TTC3: variants seen among roughly 807,000 people sequenced by gnomAD.
The protein encoded by TTC3 is tetratricopeptide repeat domain 3.
Under a neutral mutation model 249.6 loss-of-function variants are expected in TTC3, and 180 were observed. The observed-to-expected ratio is 0.72, with a 90% CI of 0.64 to 0.82. The LOEUF is 0.82. Among genes scored for constraint, TTC3 ranks in the 40% least tolerant of loss-of-function variants. The probability of loss-of-function intolerance (pLI) is 0.00; values close to 1 mark genes in which losing one functional copy is unlikely to be tolerated. For synonymous variants in TTC3, 717 were observed against 805.0 expected (o/e 0.89, Z 1.85); for missense variants, 2,061 against 2,398.4 (o/e 0.86, Z 2.94).
At chr21:37,176,879 G>A (rs1424266787) in intron 35 of TTC3, among the ~76,000 whole-genome samples, 1 of 152,138 alleles carries the variant, frequency 6.6e-6, no homozygotes, top group Non-Finnish European at 1.5e-5. Context: ...CAGCTCCACG[G>A]CCTAGTTCAA....
chr21:37,078,077 C>T (rs1246529406), intron 1 of TTC3, among the ~76,000 whole-genome samples: 3 of 151,754 alleles, frequency 2.0e-5, no homozygotes, highest in South Asian at 2.1e-4. Flanking sequence ...TTCTAATTAT[C>T]CCTGTACCAT....
At chr21:37,175,366 G>A (rs2082169653) in intron 35 of TTC3, among the ~76,000 whole-genome samples, 1 of 151,734 alleles carries the variant, frequency 6.6e-6, no homozygotes, top group African/African-American at 2.4e-5. Context: ...GGAGGCCAAG[G>A]TGGGTATATC....
At chr21:37,112,787 C>G (rs1223020997) in intron 11 of TTC3, among the ~76,000 whole-genome samples, 1 of 152,146 alleles carries the variant, frequency 6.6e-6, no homozygotes, top group African/African-American at 2.4e-5. Flanking sequence ...ATGCAAAAAT[C>G]CTCAGTAAAA....
chr21:37,107,264 T>G (rs926648006), intron 10 of TTC3, among the ~76,000 whole-genome samples: 1 of 152,194 alleles, frequency 6.6e-6, no homozygotes, highest in Non-Finnish European at 1.5e-5. Flanking sequence ...GTGAGTTGGG[T>G]ACCCTGAGGA....
exon 36 of TTC3, chr21:37,182,777 T>C (rs1321942329): frequency 6.3e-7 from 1 of 1,582,742 alleles, no homozygotes; most frequent in Non-Finnish European, 8.5e-7. Context: ...TTTTTAGATC[T>C]CAAAGACGGA....
At chr21:37,081,631 C>A (rs2071674540) in intron 1 of TTC3, 1 of 152,104 alleles carries the variant, frequency 6.6e-6, no homozygotes, top group Admixed American at 6.5e-5. Context: ...TTAGTCTCTT[C>A]TCTCCTGCTG....
intron 10 of TTC3, among the ~76,000 whole-genome samples, chr21:37,101,534 C>CA (rs2074503526): frequency 6.9e-6 from 1 of 144,356 alleles, no homozygotes; most frequent in Non-Finnish European, 1.5e-5. Context: ...GTAACAAATG[C>CA]ACATGGTAAG....
intron 11 of TTC3, among the ~76,000 whole-genome samples, chr21:37,111,613 C>A (rs1445139075): frequency 6.6e-6 from 1 of 152,152 alleles, no homozygotes; most frequent in African/African-American, 2.4e-5. Flanking sequence ...GACTTTAACA[C>A]CCCACTGTCA....
chr21:37,153,325 A>G, intron 27 of TTC3, 48 bp downstream of exon 27: 2 of 1,494,756 alleles, frequency 1.3e-6, no homozygotes, highest in Non-Finnish European at 1.8e-6. Context: ...ACGAAGGGGA[A>G]GTGTAGGTCT....
intron 8 of TTC3, among the ~76,000 whole-genome samples, chr21:37,094,508 T>G (rs962657398): frequency 1.3e-5 from 2 of 152,198 alleles, no homozygotes; most frequent in African/African-American, 4.8e-5. Flanking sequence ...AATGAAAAGT[T>G]TTAGTTTTTT....
At chr21:37,145,696 G>A (rs1243523283) in intron 21 of TTC3, among the ~76,000 whole-genome samples, 2 of 152,190 alleles carry the variant, frequency 1.3e-5, no homozygotes, top group African/African-American at 2.4e-5. Flanking sequence ...TAAGAAGCAT[G>A]GTGTCAGCAC....
At chr21:37,082,988 A>G (rs946986140) in intron 1 of TTC3, 14 of 985,278 alleles carry the variant, frequency 1.4e-5, no homozygotes, top group African/African-American at 1.7e-5. Flanking sequence ...CAGATGGCAA[A>G]TGGATTGCAC....
At chr21:37,150,989 T>TA (rs1225641525) in intron 25 of TTC3, 105 bp downstream of exon 25, 1 of 717,784 alleles carries the variant, frequency 1.4e-6, no homozygotes, top group Non-Finnish European at 2.3e-6. Context: ...TGGCTGTGTA[T>TA]ACATATATTC....
At chr21:37,106,638 A>G (rs2075103449) in intron 10 of TTC3, among the ~76,000 whole-genome samples, 1 of 152,198 alleles carries the variant, frequency 6.6e-6, no homozygotes, top group Non-Finnish European at 1.5e-5. Context: ...TATTCCCAGC[A>G]CTTTGGGAGG....
intron 1 of TTC3, chr21:37,082,303 T>A (rs1291608130): frequency 6.2e-6 from 1 of 161,044 alleles, no homozygotes; most frequent in Non-Finnish European, 1.3e-5. Context: ...ATGTCTGATA[T>A]CCTTGAGGAG....
intron 14 of TTC3, 76 bp from the exon 15 acceptor site, chr21:37,126,004 T>C: frequency 7.2e-7 from 1 of 1,394,008 alleles, no homozygotes; most frequent in South Asian, 1.3e-5. Flanking sequence ...TATTCTAAAT[T>C]CTTTTATATA....
intron 21 of TTC3, among the ~76,000 whole-genome samples, chr21:37,145,759 G>A (rs1320057600): frequency 6.6e-6 from 1 of 152,202 alleles, no homozygotes; most frequent in Non-Finnish European, 1.5e-5. Context: ...GCGTAGGAGA[G>A]CCTGTCTGTA....
intron 10 of TTC3, among the ~76,000 whole-genome samples, chr21:37,102,408 A>G (rs1161977589): frequency 6.6e-6 from 1 of 152,244 alleles, no homozygotes; most frequent in African/African-American, 2.4e-5. Context: ...GAGTCAATAA[A>G]TAGCATCTCC....
At chr21:37,082,992 A>G (rs1051887494) in intron 1 of TTC3, 1 of 985,406 alleles carries the variant, frequency 1.0e-6, no homozygotes, top group Non-Finnish European at 1.2e-6. Flanking sequence ...TGGCAAATGG[A>G]TTGCACAATA....
Sources: gnomAD v4.1 joint callset for allele counts (sites outside exome capture counted in the v4.1 genomes callset) on GRCh38, gnomAD v4.1.1 for gene constraint, MANE v1.5 for transcripts, NCBI Gene and HGNC (gene_info 2026-07-23, HGNC 2026-07-21) for gene names.